SMG6: variants seen among roughly 807,000 people sequenced by gnomAD.
SMG6 encodes telomerase-binding protein EST1A.
A neutral mutation model predicts 142.2 loss-of-function variants in SMG6; 66 were observed. The observed-to-expected ratio is 0.46, with a 90% CI of 0.38 to 0.57. The LOEUF (loss-of-function observed/expected upper bound fraction) is 0.57, where lower values mean the gene tolerates loss of function less well. SMG6 is among the 20% of genes least tolerant of loss of function. The pLI, the probability that SMG6 is intolerant of heterozygous loss-of-function variation, is 0.00. For synonymous variants in SMG6, 779 were observed against 702.4 expected (o/e 1.11, Z -1.72); for missense variants, 1,793 against 1,832.0 (o/e 0.98, Z 0.39).
chr17:2,303,582 AG>A, intron 1 of SMG6, 50 bp downstream of exon 1: 1 of 1,374,122 alleles, frequency 7.3e-7, no homozygotes, highest in South Asian at 1.6e-5. Flanking sequence ...GGAGGAGGAG[AG>A]GGAGGCGGGG....
chr17:2,242,092 T>C (rs1432317391), intron 9 of SMG6, among the ~76,000 whole-genome samples: 2 of 151,840 alleles, frequency 1.3e-5, no homozygotes, highest in Non-Finnish European at 2.9e-5. Context: ...GCACCAAGGG[T>C]TGGGAAATCC....
chr17:2,217,631 T>G (rs1213571504), intron 10 of SMG6, among the ~76,000 whole-genome samples: 2 of 152,170 alleles, frequency 1.3e-5, no homozygotes, highest in Non-Finnish European at 2.9e-5. Flanking sequence ...ACCATCCTCC[T>G]GCACATCACC....
intron 13 of SMG6, among the ~76,000 whole-genome samples, chr17:2,163,680 T>C (rs563851351): frequency 6.6e-6 from 1 of 152,294 alleles, no homozygotes; most frequent in South Asian, 2.1e-4. Flanking sequence ...AACAGTCTTA[T>C]TAATACTTCA....
At chr17:2,111,330 T>A (rs575678231) in intron 13 of SMG6, among the ~76,000 whole-genome samples, 91 of 152,022 alleles carry the variant, frequency 6.0e-4, no homozygotes, top group African/African-American at 2.0e-3. Context: ...TATAAGATGG[T>A]GAATAGAAGA....
At chr17:2,291,330 CAG>C (rs1491410156) in intron 6 of SMG6, among the ~76,000 whole-genome samples, 1 of 142,616 alleles carries the variant, frequency 7.0e-6, no homozygotes, top group Non-Finnish European at 1.5e-5. Context: ...GACTCCGTCT[CAG>C]AAAAAAAAAA....
In SMG6 at chr17:2,297,480, G is replaced by A. The variant is rs374961815; in HGVS notation, c.2041-127C>T. The A allele has an allele frequency of 5.0e-5, 34 of 679,200 alleles. 1 individual carries two copies. Among genetic ancestry groups the A allele is most frequent in the African/African-American group, 3.1e-4 (17 of 55,170 alleles). The allele number at this position is 679,200 out of a possible 1,614,324, so 42.1% of individuals were successfully genotyped here. On this transcript the variant is annotated intron_variant, in intron 3 of 18. Coordinates refer to ENST00000263073, the MANE Select transcript of SMG6 (RefSeq NM_017575.5). Reference sequence around the variant, plus strand: ...AGACATCCTATGAAAAGGGAGGCACGCACAATATTCACTGGCCACCAATTT... The same window carrying A: ...AGACATCCTATGAAAAGGGAGGCACACACAATATTCACTGGCCACCAATTT...
intron 8 of SMG6, among the ~76,000 whole-genome samples, chr17:2,250,206 T>C (rs1203087470): frequency 2.0e-5 from 3 of 152,110 alleles, no homozygotes; most frequent in African/African-American, 7.2e-5. Flanking sequence ...CCAATTTCAG[T>C]TCCGAAAGAG....
chr17:2,076,932 G>GC (rs1291695111), intron 15 of SMG6, among the ~76,000 whole-genome samples: 1 of 152,170 alleles, frequency 6.6e-6, no homozygotes, highest in Non-Finnish European at 1.5e-5. Flanking sequence ...CCTGGACAGG[G>GC]CCCACCAGGC....
chr17:2,181,093 A>G (rs1047251875), intron 12 of SMG6, among the ~76,000 whole-genome samples: 7 of 152,212 alleles, frequency 4.6e-5, no homozygotes, highest in African/African-American at 1.7e-4. Flanking sequence ...ATGACCTTAA[A>G]AGAAAAGCCT....
chr17:2,303,478 G>A lies in SMG6; in HGVS notation c.88+155C>T, dbSNP rs183025777. The A allele has an allele frequency of 9.6e-3, 12,798 of 1,327,576 alleles. 72 individuals are homozygous for A. Among genetic ancestry groups the A allele is most frequent in the Non-Finnish European group, 0.011 (11,086 of 1,042,904 alleles). The allele number at this position is 1,327,576 out of a possible 1,614,324, so 82.2% of individuals were successfully genotyped here. ...GACCCCGCACTAACCCGCGAGAGAG[G>A]TAGGGCAGCGAGGGTCCGCCGCGGC... On this transcript the variant is annotated intron_variant, in intron 1 of 18. Coordinates refer to ENST00000263073, the MANE Select transcript of SMG6 (RefSeq NM_017575.5).
At chr17:2,088,480 GTC>G (rs1239166358) in intron 13 of SMG6, 1 of 985,324 alleles carries the variant, frequency 1.0e-6, no homozygotes, top group Non-Finnish European at 1.2e-6. Flanking sequence ...TGGGGATTGT[GTC>G]TGTCATAGCT....
At chr17:2,145,014 A>G (rs1184343483) in intron 13 of SMG6, among the ~76,000 whole-genome samples, 1 of 152,044 alleles carries the variant, frequency 6.6e-6, no homozygotes, top group East Asian at 1.9e-4. Context: ...CTTTTCAGAA[A>G]TCTTTTGTTC....
intron 12 of SMG6, among the ~76,000 whole-genome samples, chr17:2,177,802 A>C (rs1440326677): frequency 6.6e-6 from 1 of 152,326 alleles, no homozygotes; most frequent in South Asian, 2.1e-4. Context: ...GGCACAAAGA[A>C]GCTGAAAAAG....
At chr17:2,163,268 C>T (rs1235919331) in intron 13 of SMG6, among the ~76,000 whole-genome samples, 1 of 151,948 alleles carries the variant, frequency 6.6e-6, no homozygotes, top group Non-Finnish European at 1.5e-5. Context: ...CTCACTACAG[C>T]CTCGACCTCC....
chr17:2,272,372 CCT>C (rs2074558797), intron 8 of SMG6, among the ~76,000 whole-genome samples: 1 of 152,206 alleles, frequency 6.6e-6, no homozygotes, highest in African/African-American at 2.4e-5. Context: ...GGACCAAGAG[CCT>C]CTCTCTGTGC....
At chr17:2,244,277 A>G (rs943709886) in intron 9 of SMG6, among the ~76,000 whole-genome samples, 2 of 152,220 alleles carry the variant, frequency 1.3e-5, no homozygotes, top group African/African-American at 4.8e-5. Context: ...AGTGGACAGT[A>G]TTCTTCCCAA....
At chr17:2,274,518 A>G (rs2074606908) in intron 8 of SMG6, among the ~76,000 whole-genome samples, 1 of 152,206 alleles carries the variant, frequency 6.6e-6, no homozygotes, top group South Asian at 2.1e-4. Context: ...AAACAAAATC[A>G]TTTGTTGGGT....
intron 13 of SMG6, among the ~76,000 whole-genome samples, chr17:2,161,106 T>G (rs997201652): frequency 1.8e-5 from 1 of 54,234 alleles, no homozygotes; most frequent in Admixed American, 1.7e-4. Flanking sequence ...TAACTGACCC[T>G]TTTTTTTTTT....
intron 13 of SMG6, among the ~76,000 whole-genome samples, chr17:2,093,696 T>C (rs1057236149): frequency 6.6e-6 from 1 of 152,170 alleles, no homozygotes; most frequent in Middle Eastern, 3.2e-3. Context: ...AAAAATTTTT[T>C]TTAAATTTGT....
Sources: allele counts gnomAD v4.1 joint callset (sites outside exome capture counted in the v4.1 genomes callset), GRCh38; gene constraint gnomAD v4.1.1; transcripts MANE v1.5; gene names NCBI Gene and HGNC (gene_info 2026-07-23, HGNC 2026-07-21).